The following CYB5A variants were observed in gnomAD, a reference collection of about 807,000 sequenced individuals.
The protein encoded by CYB5A is cytochrome b5.
A neutral mutation model predicts 16.2 loss-of-function variants in CYB5A; 10 were observed. That is an observed-to-expected ratio of 0.62 (90% CI 0.38 to 1.04). The LOEUF (loss-of-function observed/expected upper bound fraction) is 1.04. CYB5A is among the 50% of genes least tolerant of loss of function. The pLI, the probability that CYB5A is intolerant of heterozygous loss-of-function variation, is 0.01. For synonymous variants in CYB5A, 62 were observed against 57.0 expected (o/e 1.09, Z -0.40); for missense variants, 161 against 165.9 (o/e 0.97, Z 0.16).
chr18:74,261,399 CA>C (rs1335294887), intron 2 of CYB5A: 2 of 207,792 alleles, frequency 9.6e-6, no homozygotes, highest in Non-Finnish European at 2.0e-5. Context: ...CTGAAGCTGT[CA>C]AAAATACAGT....
In CYB5A at chr18:74,251,714, C is replaced by T. The variant is rs1406843719; in HGVS notation, c.*1870G>A. On this transcript the variant is annotated 3_prime_UTR_variant, in exon 5 of 5. Transcript: ENST00000340533. Reference sequence around the variant, plus strand: ...ATATCTTTCCTTGAGAGTCTGGCTGCACAAACTGTAAATGTTAAAATTAGG... The same window carrying T: ...ATATCTTTCCTTGAGAGTCTGGCTGTACAAACTGTAAATGTTAAAATTAGG... 6.6e-6 allele frequency: 1 copy of T among 152,184 alleles called. No homozygotes were observed. 9.4% of individuals were successfully genotyped at this position (152,184 alleles called of 1,614,324 possible).
chr18:74,254,741 C>G (rs1226623449), intron 4 of CYB5A, among the ~76,000 whole-genome samples: 1 of 151,844 alleles, frequency 6.6e-6, no homozygotes, highest in African/African-American at 2.4e-5. Context: ...AGGATGGTCT[C>G]GATCTCCTGA....
intron 1 of CYB5A, among the ~76,000 whole-genome samples, chr18:74,274,775 A>AT (rs1982801868): frequency 6.6e-6 from 1 of 152,188 alleles, no homozygotes; most frequent in African/African-American, 2.4e-5. Flanking sequence ...ACAGAATAAT[A>AT]TTTTTGTCTA....
intron 1 of CYB5A, among the ~76,000 whole-genome samples, chr18:74,268,641 G>A (rs140036404): frequency 1.3e-5 from 2 of 152,300 alleles, no homozygotes; most frequent in South Asian, 2.1e-4. Context: ...TAGGGTGGGG[G>A]CAGCTGCAGG....
At chr18:74,255,593 G>C (rs1212327718) in intron 4 of CYB5A, 148 bp downstream of exon 4, 4 of 701,774 alleles carry the variant, frequency 5.7e-6, no homozygotes, top group Non-Finnish European at 1.0e-5. Flanking sequence ...GAGGCTGAGT[G>C]CTCTGAACAG....
At chr18:74,265,039 T>A (rs1257468789) in intron 1 of CYB5A, among the ~76,000 whole-genome samples, 1 of 152,224 alleles carries the variant, frequency 6.6e-6, no homozygotes, top group South Asian at 2.1e-4. Flanking sequence ...GTCCAACAAC[T>A]GCACAAAAAC....
chr18:74,261,014 C>G, intron 2 of CYB5A, 70 bp from the exon 3 acceptor site: 1 of 1,156,544 alleles, frequency 8.6e-7, no homozygotes, highest in East Asian at 2.3e-5. Context: ...AAAATGCTGA[C>G]TTTGAGACTT....
chr18:74,254,177 C>G (rs2145033967), intron 4 of CYB5A, among the ~76,000 whole-genome samples: 1 of 152,170 alleles, frequency 6.6e-6, no homozygotes, highest in African/African-American at 2.4e-5. Flanking sequence ...GAGACTGTCT[C>G]AAAAACAAAC....
At chr18:74,283,488 C>T (rs781320105) in intron 1 of CYB5A, among the ~76,000 whole-genome samples, 2 of 152,202 alleles carry the variant, frequency 1.3e-5, no homozygotes, top group African/African-American at 2.4e-5. Context: ...ACAGGAATGG[C>T]TGTTTCCTTC....
intron 1 of CYB5A, among the ~76,000 whole-genome samples, chr18:74,265,694 C>A (rs778767350): frequency 6.6e-6 from 1 of 152,216 alleles, no homozygotes; most frequent in African/African-American, 2.4e-5. Context: ...ATCATCTGCT[C>A]GGCCTCTGGT....
chr18:74,282,533 G>C (rs147262302), intron 1 of CYB5A, among the ~76,000 whole-genome samples: 5 of 152,198 alleles, frequency 3.3e-5, no homozygotes, highest in Non-Finnish European at 5.9e-5. Flanking sequence ...CACAGCAGGC[G>C]GGCAGGCAGG....
intron 1 of CYB5A, among the ~76,000 whole-genome samples, chr18:74,264,371 C>T (rs1982348317): frequency 1.3e-5 from 2 of 152,168 alleles, no homozygotes; most frequent in Admixed American, 6.5e-5. Flanking sequence ...CAAAATTGCT[C>T]TTATTCTCTA....
chr18:74,262,350 G>A (rs1982237024), intron 2 of CYB5A, among the ~76,000 whole-genome samples: 1 of 151,946 alleles, frequency 6.6e-6, no homozygotes, highest in Non-Finnish European at 1.5e-5. Flanking sequence ...CAGATACTTG[G>A]GAGGCTAAGG....
intron 3 of CYB5A, chr18:74,260,463 AT>A: frequency 4.1e-6 from 1 of 245,194 alleles, no homozygotes; most frequent in Admixed American, 5.2e-5. Flanking sequence ...ATTTCATTAA[AT>A]TCATCTGACA....
chr18:74,291,347 C>A (rs1383724538), intron 1 of CYB5A, among the ~76,000 whole-genome samples: 1 of 151,588 alleles, frequency 6.6e-6, no homozygotes, highest in Non-Finnish European at 1.5e-5. Flanking sequence ...CAGGGCGCTC[C>A]CAGGTGTGCA....
intron 1 of CYB5A, among the ~76,000 whole-genome samples, chr18:74,281,454 G>C (rs533734511): frequency 1.3e-5 from 2 of 152,278 alleles, no homozygotes; most frequent in East Asian, 3.9e-4. Flanking sequence ...AGAGAAGTGG[G>C]AAAAGGAGAC....
At chr18:74,286,195 C>T (rs1983314268) in intron 1 of CYB5A, among the ~76,000 whole-genome samples, 1 of 152,228 alleles carries the variant, frequency 6.6e-6, no homozygotes, top group Non-Finnish European at 1.5e-5. Context: ...GAGCTCCAGG[C>T]AGCTTTGAGT....
chr18:74,268,802 CAG>C (rs1435224349), intron 1 of CYB5A, among the ~76,000 whole-genome samples: 2 of 152,236 alleles, frequency 1.3e-5, no homozygotes, highest in South Asian at 2.1e-4. Context: ...AGGTGTCAGG[CAG>C]AGAGACCAGG....
chr18:74,274,957 C>T (rs769217849), intron 1 of CYB5A, among the ~76,000 whole-genome samples: 4 of 152,220 alleles, frequency 2.6e-5, no homozygotes, highest in African/African-American at 4.8e-5. Context: ...GTCTTCCTCA[C>T]TCCAATCCTT....
Sources: allele counts gnomAD v4.1 joint callset (sites outside exome capture counted in the v4.1 genomes callset), GRCh38; gene constraint gnomAD v4.1.1; transcripts MANE v1.5; gene names NCBI Gene and HGNC (gene_info 2026-07-23, HGNC 2026-07-21).